Variants in GIN1 observed in about 807,000 individuals in gnomAD.
GIN1 encodes gypsy retrotransposon integrase-like protein 1.
Under a neutral mutation model 51.4 loss-of-function variants are expected in GIN1, and 41 were observed. The observed-to-expected ratio is 0.80, with a 90% CI of 0.62 to 1.04. GIN1 has a LOEUF of 1.04. GIN1 is among the 50% of genes least tolerant of loss of function. The pLI, the probability that GIN1 is intolerant of heterozygous loss-of-function variation, is 0.00. For synonymous variants in GIN1, 222 were observed against 206.5 expected, an observed-to-expected ratio of 1.07 and a Z score of -0.64; for missense variants, 610 against 612.4, an observed-to-expected ratio of 1.00 and a Z score of 0.04.
chr5:103,096,345 A>C (rs1007075552), intron 7 of GIN1, among the ~76,000 whole-genome samples, 196 bp downstream of exon 7: 38 of 152,302 alleles, frequency 2.5e-4, no homozygotes, highest in African/African-American at 8.9e-4. Flanking sequence ...TGTCTCAAAA[A>C]AAAAATCTCA....
rs782702809 is a variant in GIN1, at chr5:103,100,384, CTATTAT to C, written c.640-2609_640-2604del. On this transcript the variant is annotated intron_variant, in intron 4 of 7. Coordinates refer to ENST00000399004, the MANE Select transcript of GIN1 (RefSeq NM_017676.2). ...ACAGGCATGAGCCACTGAGCACAGC[CTATTAT>C]TATTATTATTATTATTTTTTTGAGA... Among the ~76,000 whole-genome samples the C allele has an allele frequency of 4.0e-5, 6 of 150,418 alleles. No individual in the cohort carries two copies. In the East Asian group the frequency reaches 9.8e-4, roughly 24 times the overall value.
At chr5:103,090,041 C>G (rs1554194356) in intron 7 of GIN1, among the ~76,000 whole-genome samples, 2 of 152,182 alleles carry the variant, frequency 1.3e-5, no homozygotes, top group African/African-American at 4.8e-5. Flanking sequence ...GTAATGCCAG[C>G]ACTTTGGGAA....
intron 7 of GIN1, among the ~76,000 whole-genome samples, chr5:103,089,438 TC>T (rs1270472114): frequency 1.6e-5 from 2 of 128,702 alleles, no homozygotes; most frequent in Non-Finnish European, 3.0e-5. Flanking sequence ...TACTTATTTT[TC>T]ATTCATTCAT....
chr5:103,113,630 T>C (rs1787944962), intron 1 of GIN1, among the ~76,000 whole-genome samples: 1 of 152,032 alleles, frequency 6.6e-6, no homozygotes, highest in East Asian at 1.9e-4. Flanking sequence ...CAAGCAAATT[T>C]TGTTCCTCAG....
Position 103,088,168 on chromosome 5 carries a change from A to G in GIN1, c.1299T>C (p.Ser433=), listed in dbSNP as rs782670446. The G allele has an allele frequency of 2.0e-6, 3 of 1,487,912 alleles. No homozygotes were observed. Among genetic ancestry groups the G allele is most frequent in the Non-Finnish European group, 2.7e-6 (3 of 1,112,000 alleles). 92.2% of individuals were successfully genotyped at this position (1,487,912 alleles called of 1,614,324 possible). A position where few individuals can be genotyped will look rare whatever the true frequency, so the allele number is the denominator to read the frequency against. The change falls in exon 8 of 8, where the codon AGT becomes AGC. Residue 433 remains serine, a synonymous_variant. Coordinates refer to ENST00000399004, the MANE Select transcript of GIN1 (RefSeq NM_017676.2). ...PYIRESSEQE[S]LYLLQGSVVA... is the part of the protein sequence containing the mutation. Reference sequence around the variant, plus strand: ...CTACTGAACCTTGCAAGAGATAAAGACTTTCTGAAAAAAGAAAAATCATAC... The same window carrying G: ...CTACTGAACCTTGCAAGAGATAAAGGCTTTCTGAAAAAAGAAAAATCATAC...
rs1385748392 is a variant in GIN1 at position 103,087,610 on chromosome 5, G to C, written c.*288C>G. Reference sequence around the variant, plus strand: ...CGGTGCCAAAACCATACAAAGGTTTGAGAGATTTGGGCTGGAATTTATTTC... The same window carrying C: ...CGGTGCCAAAACCATACAAAGGTTTCAGAGATTTGGGCTGGAATTTATTTC... On this transcript the variant is annotated 3_prime_UTR_variant, in exon 8 of 8. Coordinates refer to ENST00000399004, the MANE Select transcript of GIN1 (RefSeq NM_017676.2). The C allele has an allele frequency of 4.9e-6, 1 of 204,060 alleles. No individual in the cohort carries two copies. Among genetic ancestry groups the C allele is most frequent in the African/African-American group, 2.3e-5 (1 of 43,554 alleles). 12.6% of individuals were successfully genotyped at this position (204,060 alleles called of 1,614,324 possible). A position where few individuals can be genotyped will look rare whatever the true frequency, so the allele number is the denominator to read the frequency against.
At chr5:103,093,464 C>T (rs73197889) in intron 7 of GIN1, among the ~76,000 whole-genome samples, 2,570 of 152,252 alleles carry the variant, frequency 0.017, 67 homozygotes, top group African/African-American at 0.059. Context: ...AGCTTCCAGA[C>T]AGGAACACAA....
At chr5:103,113,099 T>C (rs575039827) in intron 1 of GIN1, among the ~76,000 whole-genome samples, 1 of 152,018 alleles carries the variant, frequency 6.6e-6, no homozygotes, top group Non-Finnish European at 1.5e-5. Context: ...TAGCTCACAC[T>C]CACCTTCTAT....
chr5:103,110,310 C>T lies in GIN1; in HGVS notation c.-7-1596G>A, dbSNP rs115872241. ...ATTAAGAAAGTGAAAACATAGGACA[C>T]GCATTGGGAGAAGATATCTGTAATA... On this transcript the variant is annotated intron_variant, in intron 1 of 7. Transcript: ENST00000399004. 7.1e-3 allele frequency among the ~76,000 whole-genome samples: 1,078 copies of T among 151,994 alleles called. 9 individuals are homozygous for T. Among genetic ancestry groups the T allele is most frequent in the Admixed American group, 0.015 (224 of 15,252 alleles).
chr5:103,105,850 C>G (rs1344501035), intron 3 of GIN1, among the ~76,000 whole-genome samples: 1 of 152,170 alleles, frequency 6.6e-6, no homozygotes, highest in Non-Finnish European at 1.5e-5. Context: ...TTCCAAAAAT[C>G]ATATTCATTC....
chr5:103,109,953 G>A (rs573530593), intron 1 of GIN1, among the ~76,000 whole-genome samples: 5 of 152,122 alleles, frequency 3.3e-5, no homozygotes, highest in African/African-American at 4.8e-5. Flanking sequence ...AAGTCAATAC[G>A]TTTACAATGA....
At chr5:103,093,748 T>C (rs1489064822) in intron 7 of GIN1, among the ~76,000 whole-genome samples, 1 of 152,206 alleles carries the variant, frequency 6.6e-6, no homozygotes, top group Non-Finnish European at 1.5e-5. Flanking sequence ...TCAGATTATT[T>C]TTTCCTTTCA....
At chr5:103,112,657 G>C (rs1264909879) in intron 1 of GIN1, among the ~76,000 whole-genome samples, 1 of 152,046 alleles carries the variant, frequency 6.6e-6, no homozygotes, top group African/African-American at 2.4e-5. Context: ...TCAAAATCAA[G>C]CTCTAGCATC....
At chr5:103,106,952 G>C (rs1428017605) in intron 2 of GIN1, 43 bp from the exon 3 acceptor site, 1 of 1,054,688 alleles carries the variant, frequency 9.5e-7, no homozygotes. Flanking sequence ...AATTTTTAGA[G>C]ATCTACGTAG....
At chr5:103,108,327 ATGTTT>A (rs1395325196) in intron 2 of GIN1, among the ~76,000 whole-genome samples, 1 of 152,052 alleles carries the variant, frequency 6.6e-6, no homozygotes, top group Non-Finnish European at 1.5e-5. Context: ...ATTTAGAAAA[ATGTTT>A]TGTTTTCTTT....
chr5:103,096,113 G>A (rs534748649), intron 7 of GIN1, among the ~76,000 whole-genome samples: 216 of 152,016 alleles, frequency 1.4e-3, no homozygotes, highest in African/African-American at 4.7e-3. Context: ...AAGTCAAGGC[G>A]GGCAGGTCAC....
intron 7 of GIN1, among the ~76,000 whole-genome samples, chr5:103,094,397 T>C (rs1286487868): frequency 6.6e-6 from 1 of 152,146 alleles, no homozygotes; most frequent in Non-Finnish European, 1.5e-5. Context: ...AAATTCCTTA[T>C]GCATACACCA....
chr5:103,097,239 A>T, intron 6 of GIN1, 75 bp downstream of exon 6: 6 of 848,868 alleles, frequency 7.1e-6, no homozygotes, highest in Non-Finnish European at 1.1e-5. Context: ...GCACACATGT[A>T]TATGCTGAAA....
At chr5:103,105,218 G>A (rs1415928369) in intron 3 of GIN1, among the ~76,000 whole-genome samples, 1 of 152,106 alleles carries the variant, frequency 6.6e-6, no homozygotes, top group East Asian at 1.9e-4. Context: ...TCACAGGGCT[G>A]ACTGCAGGAC....
Sources: gnomAD v4.1 joint callset for allele counts (sites outside exome capture counted in the v4.1 genomes callset) on GRCh38, gnomAD v4.1.1 for gene constraint, MANE v1.5 for transcripts, NCBI Gene and HGNC (gene_info 2026-07-23, HGNC 2026-07-21) for gene names.